Variants in LURAP1L observed in about 807,000 individuals in gnomAD.
LURAP1L encodes the protein leucine rich adaptor protein 1-like.
Under a neutral mutation model 13.8 loss-of-function variants are expected in LURAP1L, and 12 were observed. The ratio of observed to expected loss-of-function variants is 0.87; its 90% CI spans 0.56 to 1.41. LURAP1L has a LOEUF of 1.41. Among genes scored for constraint, LURAP1L ranks in the 40% most tolerant of loss-of-function variants. LURAP1L has a pLI of 0.00. For synonymous variants in LURAP1L, 139 were observed against 119.2 expected (o/e 1.17, Z -1.08); for missense variants, 375 against 292.9 (o/e 1.28, Z -2.04).
chr9:12,807,020 CAAAAAAAAAAA>C (rs71329888), intron 1 of LURAP1L, among the ~76,000 whole-genome samples: 1 of 21,884 alleles, frequency 4.6e-5, no homozygotes, highest in African/African-American at 1.7e-4. Context: ...GACTCCGTCT[CAAAAAAAAAAA>C]AAAAAAAAAA....
At chr9:12,799,908 T>C (rs1189763261) in intron 1 of LURAP1L, among the ~76,000 whole-genome samples, 7 of 151,334 alleles carry the variant, frequency 4.6e-5, no homozygotes, top group African/African-American at 1.7e-4. Flanking sequence ...TTATGATATA[T>C]ATTCTATGTA....
At chr9:12,819,281 G>C (rs1286439369) in intron 1 of LURAP1L, among the ~76,000 whole-genome samples, 4 of 152,052 alleles carry the variant, frequency 2.6e-5, no homozygotes, top group African/African-American at 4.8e-5. Context: ...AAAATTAATG[G>C]ATTTTAAATT....
At chr9:12,780,214 T>C (rs572109709) in intron 1 of LURAP1L, among the ~76,000 whole-genome samples, 85 of 152,352 alleles carry the variant, frequency 5.6e-4, no homozygotes, top group African/African-American at 2.0e-3. Flanking sequence ...TAAGCAGTAC[T>C]TTCAAATTGC....
Position 12,775,858 on chromosome 9 carries a change from G to C in LURAP1L, c.143G>C (p.Gly48Ala). Reference protein sequence around the residue: ...RDRDPCGGSGGGGGGGGGCSS... With the variant: ...RDRDPCGGSGAGGGGGGGCSS... ...AGGGACCCCTGCGGGGGGAGCGGTG[G>C]TGGTGGCGGCGGCGGCGGCGGCTGC... Residue 48 changes from glycine to alanine, a missense_variant, in exon 1 of 2, where the codon GGT becomes GCT. By Grantham distance (60) the Gly-to-Ala change is moderately conservative. Coordinates refer to ENST00000319264, the MANE Select transcript of LURAP1L (RefSeq NM_203403.2). 2.0e-6 allele frequency: 3 copies of C among 1,521,264 alleles called. No homozygotes were observed. The highest frequency in any genetic ancestry group is 2.6e-6 in the Non-Finnish European group (3 of 1,137,074). The allele number at this position is 1,521,264 out of a possible 1,614,324, so 94.2% of individuals were successfully genotyped here.
chr9:12,807,094 A>AT, intron 1 of LURAP1L, among the ~76,000 whole-genome samples: 1 of 116,168 alleles, frequency 8.6e-6, no homozygotes, highest in African/African-American at 3.2e-5. Flanking sequence ...TCTCTACTAA[A>AT]ATATATATAT....
intron 1 of LURAP1L, among the ~76,000 whole-genome samples, chr9:12,819,473 T>C (rs1419954517): frequency 1.3e-5 from 2 of 152,164 alleles, no homozygotes; most frequent in Non-Finnish European, 2.9e-5. Context: ...ATTTTTACAA[T>C]ACAAATGAAT....
intron 1 of LURAP1L, among the ~76,000 whole-genome samples, chr9:12,799,569 C>T (rs964410064): frequency 1.3e-5 from 2 of 152,036 alleles, no homozygotes; most frequent in Non-Finnish European, 2.9e-5. Context: ...TTTCAACATC[C>T]TTGAATGTGG....
intron 1 of LURAP1L, among the ~76,000 whole-genome samples, chr9:12,779,521 C>T (rs1041981656): frequency 6.6e-6 from 1 of 152,076 alleles, no homozygotes; most frequent in Non-Finnish European, 1.5e-5. Flanking sequence ...TGATCCGCCA[C>T]GGCCTCTCAA....
chr9:12,821,554 C>T lies in LURAP1L; in HGVS notation c.481C>T (p.Arg161Cys), dbSNP rs534001506. 7 of 1,614,128 alleles carry T rather than the reference C, an allele frequency of 4.3e-6. No homozygotes were observed. In the South Asian group the frequency reaches 4.4e-5, roughly 10 times the overall value. ...GTTGGAGAGTCAGAGCACCTCCTTACGTGGCAGCTACAACAGCCTACACGA... is the reference window on the plus strand; with the variant it reads ...GTTGGAGAGTCAGAGCACCTCCTTATGTGGCAGCTACAACAGCCTACACGA... ...SLLESQSTSL[R>C]GSYNSLHDGS... The change falls in exon 2 of 2, where the codon CGT becomes TGT. Residue 161 changes from arginine (R) to cysteine (C), a missense_variant. Coordinates refer to ENST00000319264, the MANE Select transcript of LURAP1L (RefSeq NM_203403.2).
At chr9:12,803,889 G>T (rs1052890622) in intron 1 of LURAP1L, among the ~76,000 whole-genome samples, 1 of 152,150 alleles carries the variant, frequency 6.6e-6, no homozygotes, top group African/African-American at 2.4e-5. Context: ...AAAATAAAAT[G>T]TAAACAGCTA....
chr9:12,817,569 G>C (rs950893549), intron 1 of LURAP1L, among the ~76,000 whole-genome samples: 1 of 152,192 alleles, frequency 6.6e-6, no homozygotes, highest in Non-Finnish European at 1.5e-5. Context: ...TCAGGAATCA[G>C]TTTCTCCTAG....
intron 1 of LURAP1L, among the ~76,000 whole-genome samples, chr9:12,800,579 TACTC>T (rs779219636): frequency 2.0e-5 from 3 of 152,176 alleles, no homozygotes; most frequent in African/African-American, 4.8e-5. Context: ...AAAAATCTCT[TACTC>T]ATTTGTTGAA....
intron 1 of LURAP1L, among the ~76,000 whole-genome samples, chr9:12,780,877 C>T (rs1477229378): frequency 6.6e-6 from 1 of 152,140 alleles, no homozygotes; most frequent in East Asian, 1.9e-4. Flanking sequence ...ATACTTCTGA[C>T]ATTTTGTTTG....
intron 1 of LURAP1L, among the ~76,000 whole-genome samples, chr9:12,784,286 G>A (rs1819318782): frequency 6.6e-6 from 1 of 152,136 alleles, no homozygotes; most frequent in Admixed American, 6.5e-5. Flanking sequence ...GTTGACAAGT[G>A]AGGTATTTAT....
intron 1 of LURAP1L, among the ~76,000 whole-genome samples, chr9:12,786,562 AT>A (rs1819356011): frequency 1.7e-5 from 2 of 119,536 alleles, no homozygotes; most frequent in Admixed American, 8.0e-5. Context: ...ATATATATAT[AT>A]ATATATATAT....
At chr9:12,821,350 A>G in intron 1 of LURAP1L, 36 bp from the exon 2 acceptor site, 1 of 1,585,222 alleles carries the variant, frequency 6.3e-7, no homozygotes, top group Non-Finnish European at 8.6e-7. Context: ...AGAGTGTAAA[A>G]TGGCTGGAAT....
At chr9:12,781,965 A>T (rs556150623) in intron 1 of LURAP1L, among the ~76,000 whole-genome samples, 1 of 152,316 alleles carries the variant, frequency 6.6e-6, no homozygotes, top group East Asian at 1.9e-4. Flanking sequence ...CTGGGGTGAG[A>T]TAATATTTCA....
chr9:12,777,481 G>A, intron 1 of LURAP1L: 3 of 985,306 alleles, frequency 3.0e-6, no homozygotes, highest in Non-Finnish European at 3.6e-6. Flanking sequence ...ACATCAAGGA[G>A]ATGAGGAAAT....
At chr9:12,807,141 C>T (rs898730796) in intron 1 of LURAP1L, among the ~76,000 whole-genome samples, 3 of 135,454 alleles carry the variant, frequency 2.2e-5, no homozygotes, top group South Asian at 4.6e-4. Flanking sequence ...GTGGCAGGCG[C>T]CTGTAGTCCC....
Sources: allele counts gnomAD v4.1 joint callset (sites outside exome capture counted in the v4.1 genomes callset), GRCh38; gene constraint gnomAD v4.1.1; transcripts MANE v1.5; gene names NCBI Gene and HGNC (gene_info 2026-07-23, HGNC 2026-07-21).